PDE4D: variants seen among roughly 807,000 people sequenced by gnomAD.
PDE4D encodes 3',5'-cyclic-AMP phosphodiesterase 4D.
PDE4D carries 24 observed loss-of-function variants against 87.4 expected under a neutral mutation model. The observed-to-expected ratio is 0.27, with a 90% CI of 0.20 to 0.39. The LOEUF (loss-of-function observed/expected upper bound fraction) is 0.39. Among genes scored for constraint, PDE4D ranks in the 10% least tolerant of loss-of-function variants. The pLI is 1.00. For missense variants in PDE4D, 714 were observed against 1,041.0 expected (o/e 0.69, Z 4.32); for synonymous variants, 384 against 383.2 (o/e 1.00, Z -0.02).
chr5:59,372,487 C>A (rs1451616919), intron 1 of PDE4D, among the ~76,000 whole-genome samples: 2 of 152,126 alleles, frequency 1.3e-5, no homozygotes, highest in Non-Finnish European at 2.9e-5. Flanking sequence ...ATGAAATCAG[C>A]TAGTCTAAAT....
At chr5:59,237,396 G>C (rs73760116) in intron 1 of PDE4D, among the ~76,000 whole-genome samples, 186 of 151,994 alleles carry the variant, frequency 1.2e-3, no homozygotes, top group African/African-American at 4.4e-3. Flanking sequence ...TATTTTATTT[G>C]CATTTCATAA....
intron 1 of PDE4D, among the ~76,000 whole-genome samples, chr5:59,365,471 A>C (rs1782902876): frequency 6.6e-6 from 1 of 151,724 alleles, no homozygotes; most frequent in Non-Finnish European, 1.5e-5. Context: ...ATCTCTAAAA[A>C]CAAACAAACA....
intron 3 of PDE4D, 22 bp downstream of exon 3, chr5:59,193,478 C>T: frequency 6.2e-7 from 1 of 1,609,514 alleles, no homozygotes; most frequent in Non-Finnish European, 8.5e-7. Flanking sequence ...AGAAACCTGC[C>T]CATTCACCAA....
At chr5:59,886,736 G>T (rs1257439743) in intron 1 of PDE4D, among the ~76,000 whole-genome samples, 1 of 152,014 alleles carries the variant, frequency 6.6e-6, no homozygotes, top group African/African-American at 2.4e-5. Context: ...TCAGACCACG[G>T]CCAGAATTTA....
intron 6 of PDE4D, among the ~76,000 whole-genome samples, chr5:59,038,645 A>G (rs1202389623): frequency 6.6e-6 from 1 of 152,218 alleles, no homozygotes; most frequent in East Asian, 1.9e-4. Context: ...ACTTAAATTT[A>G]GCACGTCAAA....
intron 1 of PDE4D, among the ~76,000 whole-genome samples, chr5:59,462,506 G>C (rs1427804317): frequency 6.6e-6 from 1 of 152,132 alleles, no homozygotes; most frequent in East Asian, 1.9e-4. Flanking sequence ...GTGAGAATCA[G>C]ATGAGTACAA....
rs538354482 is a variant in PDE4D, at chr5:59,113,031, C to T, written c.808+67564G>A. 3.9e-5 allele frequency among the ~76,000 whole-genome samples: 6 copies of T among 152,090 alleles called. 1 individual carries two copies. Among genetic ancestry groups the T allele is most frequent in the Admixed American group, 3.9e-4 (6 of 15,270 alleles). The stretch of plus-strand genomic sequence containing the variant: ...GGTCAGGCTGGTCTCAAACTCCCAA[C>T]CTCAGGTGATCCAACCGCCTTGGCC... On this transcript the variant is annotated intron_variant, in intron 5 of 14. Transcript: ENST00000340635.
intron 2 of PDE4D, among the ~76,000 whole-genome samples, chr5:59,205,625 T>C (rs2153499211): frequency 6.7e-6 from 1 of 149,616 alleles, no homozygotes; most frequent in Non-Finnish European, 1.5e-5. Flanking sequence ...AGACTCTCGG[T>C]GCTGTCTAAT....
chr5:59,334,288 T>C (rs962394866), intron 1 of PDE4D, among the ~76,000 whole-genome samples: 3 of 124,898 alleles, frequency 2.4e-5, no homozygotes, highest in African/African-American at 9.2e-5. Flanking sequence ...AGATGGAGCC[T>C]AGCTCTGTCA....
chr5:60,068,366 GTCT>G (rs1562051760), intron 2 of PDE4D, among the ~76,000 whole-genome samples: 1 of 151,998 alleles, frequency 6.6e-6, no homozygotes, highest in East Asian at 1.9e-4. Context: ...CCATTTGTAT[GTCT>G]TCTTTGAAGA....
rs563477522 is a variant in PDE4D at position 59,165,522 on chromosome 5, C to T, written c.808+15073G>A. Reference sequence around the variant, plus strand: ...AACTCCTGACCTCAGGTGATCTGCCCGCCTCAGCCTCCCAAAATGCTGGAA... The same window carrying T: ...AACTCCTGACCTCAGGTGATCTGCCTGCCTCAGCCTCCCAAAATGCTGGAA... On this transcript the variant is annotated intron_variant, in intron 5 of 14. Coordinates refer to ENST00000340635, the MANE Select transcript of PDE4D (RefSeq NM_001104631.2). Among the ~76,000 whole-genome samples the T allele has an allele frequency of 1.1e-4, 17 of 152,210 alleles. No individual in the cohort carries two copies. The South Asian group carries it at 1.7e-3, about 15-fold the overall frequency.
At chr5:59,298,602 C>T (rs1373113865) in intron 1 of PDE4D, among the ~76,000 whole-genome samples, 1 of 152,088 alleles carries the variant, frequency 6.6e-6, no homozygotes, top group Non-Finnish European at 1.5e-5. Context: ...TTGGTGAAAA[C>T]ATATTTCAGT....
intron 1 of PDE4D, among the ~76,000 whole-genome samples, chr5:60,210,013 T>C (rs1743005836): frequency 6.6e-6 from 1 of 152,176 alleles, no homozygotes; most frequent in South Asian, 2.1e-4. Flanking sequence ...ACACAGCAGC[T>C]CAGTCTTATT....
At chr5:59,157,479 A>G in intron 5 of PDE4D, 1 of 635,646 alleles carries the variant, frequency 1.6e-6, no homozygotes. Context: ...CTAAGTTTCC[A>G]ATCATTTAAA....
At chr5:60,229,596 T>C (rs111520726) in intron 1 of PDE4D, among the ~76,000 whole-genome samples, 2,129 of 152,216 alleles carry the variant, frequency 0.014, 23 homozygotes, top group Middle Eastern at 0.034. Context: ...TTCTGAAGGA[T>C]GGTATTATTT....
intron 1 of PDE4D, among the ~76,000 whole-genome samples, chr5:59,683,922 A>G (rs910936889): frequency 6.6e-6 from 1 of 152,188 alleles, no homozygotes; most frequent in African/African-American, 2.4e-5. Flanking sequence ...TTGGGCTCAT[A>G]GAATAAAGTC....
intron 3 of PDE4D, among the ~76,000 whole-genome samples, chr5:59,187,184 G>C (rs1292634371): frequency 6.6e-6 from 1 of 152,030 alleles, no homozygotes; most frequent in Admixed American, 6.6e-5. Flanking sequence ...GTCATGAAAA[G>C]AAAAATTAGT....
In PDE4D at chr5:58,991,900, A is replaced by G; in HGVS notation, c.1120T>C (p.Ser374Pro). 3 of 1,606,322 alleles carry G rather than the reference A, an allele frequency of 1.9e-6. No homozygotes were observed. The highest frequency in any genetic ancestry group is 2.2e-5 in the South Asian group (2 of 89,384). Residue 374 changes from serine (S) to proline (P), a missense_variant, in exon 8 of 15, where the codon TCT becomes CCT. Physicochemically the swap from Ser to Pro is moderately conservative, Grantham distance 74. This residue lies in a region of PDE4D where 141 missense variants were observed against 204.3 expected (regional missense o/e 0.69). Coordinates refer to ENST00000340635, the MANE Select transcript of PDE4D (RefSeq NM_001104631.2). ...ISGVKKLMHS[S>P]SLTNSSIPRF... The stretch of plus-strand genomic sequence containing the variant: ...GGGATACTTGAATTAGTCAGACTAG[A>G]GCTGTGCATCAATTTCTTGACTCCA...
intron 1 of PDE4D, among the ~76,000 whole-genome samples, chr5:60,463,679 C>T (rs1249459239): frequency 6.6e-6 from 1 of 152,200 alleles, no homozygotes; most frequent in Non-Finnish European, 1.5e-5. Flanking sequence ...CAGTCATGCC[C>T]TCTTGCTGTT....
Sources: allele counts gnomAD v4.1 joint callset (sites outside exome capture counted in the v4.1 genomes callset), GRCh38; gene constraint gnomAD v4.1.1; regional missense constraint gnomAD v4.1.1; transcripts MANE v1.5; gene names NCBI Gene and HGNC (gene_info 2026-07-23, HGNC 2026-07-21).